The following OSBPL11 variants were observed in gnomAD, a reference collection of about 807,000 sequenced individuals.
OSBPL11 encodes oxysterol-binding protein-related protein 11.
Under a neutral mutation model 84.4 loss-of-function variants are expected in OSBPL11, and 33 were observed. The ratio of observed to expected loss-of-function variants is 0.39; its 90% CI spans 0.30 to 0.52. OSBPL11 has a LOEUF of 0.52. Ranked by LOEUF, OSBPL11 falls within the 20% of genes least tolerant of loss-of-function variation. OSBPL11 has a pLI of 0.72. For missense variants in OSBPL11, 736 were observed against 901.1 expected, an observed-to-expected ratio of 0.82 and a Z score of 2.35; for synonymous variants, 276 against 310.2, an observed-to-expected ratio of 0.89 and a Z score of 1.16.
At chr3:125,569,836 T>C (rs1341048514) in intron 5 of OSBPL11, among the ~76,000 whole-genome samples, 2 of 152,184 alleles carry the variant, frequency 1.3e-5, no homozygotes, top group Non-Finnish European at 2.9e-5. Context: ...ACATACTATA[T>C]GATTCCAGTT....
In OSBPL11 at chr3:125,535,044, AAAAC is replaced by A. The variant is rs570206877; in HGVS notation, c.2025-3034_2025-3031del. ...AAAAGAGCAAAATTCAATGAGAAAG[AAAAC>A]AAACATAGATTAAATCAGTGAAGCC... On this transcript the variant is annotated intron_variant, in intron 11 of 12. Transcript: ENST00000296220. Among the ~76,000 whole-genome samples, 631 of 151,840 alleles carry A rather than the reference AAAAC, an allele frequency of 4.2e-3. 5 individuals carry two copies. Among genetic ancestry groups the A allele is most frequent in the Middle Eastern group, 3.4e-3 (1 of 292 alleles).
chr3:125,536,628 A>G (rs1001099456), intron 11 of OSBPL11, among the ~76,000 whole-genome samples: 1 of 152,238 alleles, frequency 6.6e-6, no homozygotes. Context: ...TAAGTATCAC[A>G]TTCATGTCTT....
At chr3:125,591,278 T>A (rs775695470) in intron 1 of OSBPL11, among the ~76,000 whole-genome samples, 50 of 152,342 alleles carry the variant, frequency 3.3e-4, no homozygotes, top group Middle Eastern at 3.4e-3. Context: ...CTGGCATAAA[T>A]CCCAATAATC....
At chr3:125,591,189 A>G (rs2107614883) in intron 1 of OSBPL11, among the ~76,000 whole-genome samples, 1 of 152,374 alleles carries the variant, frequency 6.6e-6, no homozygotes, top group East Asian at 1.9e-4. Context: ...AACCAGATAC[A>G]TAATTTGACT....
chr3:125,563,939 C>T (rs1201206664), intron 6 of OSBPL11, 96 bp from the exon 7 acceptor site: 2 of 1,415,092 alleles, frequency 1.4e-6, no homozygotes, highest in Admixed American at 2.0e-5. Context: ...AGCCTACAAG[C>T]CTAAAAGCAA....
At position 125,582,948 on chromosome 3, in the gene OSBPL11, T is replaced by C; in HGVS notation, c.195A>G (p.Leu65=). ...SDHMENVYGY[L]MKYTNLVTGW... ...CAGTGACAAGGTTGGTATACTTCATTAAATAGCCATACACATTTTCCATGT... is the reference window on the plus strand; with the variant it reads ...CAGTGACAAGGTTGGTATACTTCATCAAATAGCCATACACATTTTCCATGT... Residue 65 remains leucine (L), a synonymous_variant, in exon 2 of 13, where the codon TTA becomes TTG. Coordinates refer to ENST00000296220, the MANE Select transcript of OSBPL11 (RefSeq NM_022776.5). 6.3e-7 allele frequency: 1 copy of C among 1,594,636 alleles called. No individual in the cohort carries two copies. The highest frequency in any genetic ancestry group is 8.5e-7 in the Non-Finnish European group (1 of 1,175,352).
chr3:125,570,610 G>C (rs946309247), intron 5 of OSBPL11, among the ~76,000 whole-genome samples: 1 of 152,128 alleles, frequency 6.6e-6, no homozygotes, highest in Non-Finnish European at 1.5e-5. Flanking sequence ...ACTGAATTAT[G>C]GGGGAAGGTC....
chr3:125,571,064 A>G (rs1210139575), intron 5 of OSBPL11, among the ~76,000 whole-genome samples: 2 of 152,216 alleles, frequency 1.3e-5, no homozygotes, highest in Non-Finnish European at 2.9e-5. Flanking sequence ...GCGGACAGCA[A>G]TATGGACAAT....
At chr3:125,573,415 G>A (rs12487734) in intron 5 of OSBPL11, among the ~76,000 whole-genome samples, 10,325 of 152,178 alleles carry the variant, frequency 0.068, 472 homozygotes, top group Non-Finnish European at 0.098. Context: ...CACAGGGCAT[G>A]GCATAGTACC....
chr3:125,551,587 G>A (rs1481082428), intron 9 of OSBPL11, among the ~76,000 whole-genome samples: 2 of 151,996 alleles, frequency 1.3e-5, no homozygotes, highest in Non-Finnish European at 2.9e-5. Context: ...TAACCAACAT[G>A]GTGAAACCCC....
chr3:125,581,332 T>A (rs1482553532), intron 2 of OSBPL11, among the ~76,000 whole-genome samples: 1 of 151,754 alleles, frequency 6.6e-6, no homozygotes, highest in Admixed American at 6.6e-5. Flanking sequence ...ACTCAGGCGA[T>A]CCTCCCGCCT....
chr3:125,538,364 T>C (rs1310857004), intron 11 of OSBPL11, 87 bp downstream of exon 11: 1 of 1,292,032 alleles, frequency 7.7e-7, no homozygotes, highest in African/African-American at 1.5e-5. Flanking sequence ...GTGAAGTGAC[T>C]TGGCCAAGGT....
chr3:125,535,729 C>T (rs1453144313), intron 11 of OSBPL11, among the ~76,000 whole-genome samples: 1 of 151,158 alleles, frequency 6.6e-6, no homozygotes, highest in Non-Finnish European at 1.5e-5. Context: ...CCCGCCTTGG[C>T]CTTCCAACAT....
chr3:125,570,546 C>T (rs1326493783), intron 5 of OSBPL11, among the ~76,000 whole-genome samples: 2 of 152,044 alleles, frequency 1.3e-5, no homozygotes, highest in Non-Finnish European at 2.9e-5. Context: ...TGTGTCCCCA[C>T]CCAAATCTCA....
chr3:125,581,736 C>A lies in OSBPL11; in HGVS notation c.233+1174G>T, dbSNP rs867075382. ...AAAAAAAAAGTAACTCTAAAAAGGG[C>A]TGGATGAGTTGAGATTGCTTGAATC... On this transcript the variant is annotated intron_variant, in intron 2 of 12. Coordinates refer to ENST00000296220, the MANE Select transcript of OSBPL11 (RefSeq NM_022776.5). 2.0e-4 allele frequency among the ~76,000 whole-genome samples: 29 copies of A among 143,288 alleles called. 2 individuals are homozygous for A. The highest frequency in any genetic ancestry group is 1.7e-3 in the Admixed American group (25 of 14,362). 94.0% of individuals were successfully genotyped at this position (143,288 alleles called of 152,430 possible).
intron 1 of OSBPL11, among the ~76,000 whole-genome samples, chr3:125,587,949 C>T (rs1936539737): frequency 6.6e-6 from 1 of 152,136 alleles, no homozygotes; most frequent in Non-Finnish European, 1.5e-5. Context: ...AGGCCAGGCA[C>T]AGTGGCTCAT....
At chr3:125,569,214 G>C (rs1456821523) in intron 5 of OSBPL11, among the ~76,000 whole-genome samples, 1 of 152,056 alleles carries the variant, frequency 6.6e-6, no homozygotes, top group African/African-American at 2.4e-5. Context: ...CTCCCAAAGT[G>C]CTGGGATTAC....
At chr3:125,572,165 C>T (rs1165524235) in intron 5 of OSBPL11, among the ~76,000 whole-genome samples, 1 of 152,214 alleles carries the variant, frequency 6.6e-6, no homozygotes, top group African/African-American at 2.4e-5. Context: ...GGATTTCTGA[C>T]TTGCATGGGG....
chr3:125,577,953 C>T (rs1263033102), intron 4 of OSBPL11, among the ~76,000 whole-genome samples: 1 of 152,136 alleles, frequency 6.6e-6, no homozygotes, highest in Non-Finnish European at 1.5e-5. Context: ...ATAGAACTAT[C>T]ACGTGATCCA....
Sources: allele counts gnomAD v4.1 joint callset (sites outside exome capture counted in the v4.1 genomes callset), GRCh38; gene constraint gnomAD v4.1.1; transcripts MANE v1.5; gene names NCBI Gene and HGNC (gene_info 2026-07-23, HGNC 2026-07-21).